Variants in ECT2L observed in about 807,000 individuals in gnomAD.
The protein encoded by ECT2L is epithelial cell-transforming sequence 2 oncogene-like.
ECT2L carries 126 observed loss-of-function variants against 122.8 expected under a neutral mutation model. That is an observed-to-expected ratio of 1.03 (90% CI 0.89 to 1.19). The LOEUF (loss-of-function observed/expected upper bound fraction) is 1.19. ECT2L is among the 50% of genes most tolerant of loss of function. ECT2L has a pLI of 0.00. For synonymous variants in ECT2L, 385 were observed against 381.8 expected, an observed-to-expected ratio of 1.01 and a Z score of -0.10; for missense variants, 1,012 against 1,064.1, an observed-to-expected ratio of 0.95 and a Z score of 0.68.
chr6:138,893,181 T>G (rs1031697522), intron 20 of ECT2L, among the ~76,000 whole-genome samples: 62 of 146,346 alleles, frequency 4.2e-4, no homozygotes, highest in African/African-American at 1.3e-3. Context: ...TTTGTTTTTT[T>G]TTTGTTTTTT....
intron 1 of ECT2L, among the ~76,000 whole-genome samples, chr6:138,799,711 C>A (rs1012127888): frequency 1.3e-5 from 2 of 152,140 alleles, no homozygotes; most frequent in African/African-American, 2.4e-5. Context: ...AGGTGAATGC[C>A]GCCACACCTG....
rs769764165 is a variant in ECT2L at position 138,843,032 on chromosome 6, T to G, written c.396T>G (p.Thr132=). ...AGTTCGGATGGTTTCTGCCCTATAC[T>G]CCAACAGATAATGAGTATGGTGCTT... ...CVKFGWFLPY[T]PTDNEYGAWK... The change falls in exon 6 of 22, where the codon ACT becomes ACG. Residue 132 remains threonine (T), a synonymous_variant. Coordinates refer to ENST00000541398, the MANE Select transcript of ECT2L (RefSeq NM_001077706.3). 7 of 1,611,246 alleles carry G rather than the reference T, an allele frequency of 4.3e-6. No individual in the cohort carries two copies. The Admixed American group carries it at 5.0e-5, about 12-fold the overall frequency.
chr6:138,895,290 A>G (rs1779170684), intron 20 of ECT2L, among the ~76,000 whole-genome samples: 1 of 152,154 alleles, frequency 6.6e-6, no homozygotes, highest in Non-Finnish European at 1.5e-5. Flanking sequence ...ACCAACTCAT[A>G]TAAGGCTTTA....
intron 1 of ECT2L, among the ~76,000 whole-genome samples, chr6:138,801,754 C>CAAAAAAG (rs1304636364): frequency 6.8e-6 from 1 of 146,348 alleles, no homozygotes; most frequent in Non-Finnish European, 1.5e-5. Flanking sequence ...GACTCTGTCT[C>CAAAAAAG]AAAAAAGAAA....
At chr6:138,813,535 G>C (rs1775969852) in intron 3 of ECT2L, among the ~76,000 whole-genome samples, 195 bp downstream of exon 3, 1 of 152,160 alleles carries the variant, frequency 6.6e-6, no homozygotes. Flanking sequence ...CCTACCTTAA[G>C]GGAGGCTCCA....
intron 4 of ECT2L, among the ~76,000 whole-genome samples, chr6:138,822,543 A>G (rs892315720): frequency 1.3e-5 from 2 of 149,912 alleles, no homozygotes; most frequent in African/African-American, 4.9e-5. Flanking sequence ...CAACAGAGCC[A>G]GAGACCCTGT....
At chr6:138,898,515 T>C (rs188422191) in intron 20 of ECT2L, among the ~76,000 whole-genome samples, 6 of 152,320 alleles carry the variant, frequency 3.9e-5, no homozygotes, top group East Asian at 1.9e-4. Context: ...TTCTTAGGCA[T>C]AGCTGTAACT....
intron 4 of ECT2L, among the ~76,000 whole-genome samples, 172 bp from the exon 5 acceptor site, chr6:138,838,176 ACAAG>A (rs1321741747): frequency 1.3e-5 from 2 of 152,214 alleles, no homozygotes; most frequent in African/African-American, 2.4e-5. Flanking sequence ...TGCCAGGATT[ACAAG>A]CATGAGCCAC....
intron 20 of ECT2L, among the ~76,000 whole-genome samples, chr6:138,891,879 G>T (rs1432263012): frequency 1.3e-5 from 2 of 152,154 alleles, no homozygotes; most frequent in East Asian, 3.8e-4. Context: ...AAATGACGAA[G>T]ACTTTCTCTT....
chr6:138,870,683 G>C (rs982120064), intron 13 of ECT2L, among the ~76,000 whole-genome samples: 1 of 151,926 alleles, frequency 6.6e-6, no homozygotes, highest in African/African-American at 2.4e-5. Context: ...TCTTAGTTGA[G>C]ATTCAAATTC....
intron 1 of ECT2L, among the ~76,000 whole-genome samples, chr6:138,799,844 T>A (rs1005805364): frequency 1.3e-5 from 2 of 152,212 alleles, no homozygotes; most frequent in African/African-American, 4.8e-5. Flanking sequence ...AGCCACTGCA[T>A]GCCGACTGGA....
intron 4 of ECT2L, among the ~76,000 whole-genome samples, chr6:138,821,996 TC>T (rs757184586): frequency 1.7e-4 from 26 of 152,250 alleles, no homozygotes; most frequent in Non-Finnish European, 3.1e-4. Context: ...ACTTCAGACT[TC>T]TGACCTCCAG....
chr6:138,896,092 ATT>A (rs74686619), intron 20 of ECT2L, among the ~76,000 whole-genome samples: 2 of 139,770 alleles, frequency 1.4e-5, no homozygotes. Flanking sequence ...TCATTGCTGA[ATT>A]TTTTTTTTTT....
intron 7 of ECT2L, among the ~76,000 whole-genome samples, chr6:138,846,108 C>G (rs1777212111): frequency 6.6e-6 from 1 of 151,860 alleles, no homozygotes; most frequent in Non-Finnish European, 1.5e-5. Context: ...TTTTAAGAAG[C>G]ACAGAACAGC....
intron 8 of ECT2L, among the ~76,000 whole-genome samples, chr6:138,848,866 G>C (rs1377882175): frequency 6.6e-6 from 1 of 152,162 alleles, no homozygotes; most frequent in Non-Finnish European, 1.5e-5. Flanking sequence ...TGTTGCCCAG[G>C]CTGGTCTCTA....
intron 20 of ECT2L, among the ~76,000 whole-genome samples, chr6:138,892,888 C>A (rs921451768): frequency 1.3e-5 from 2 of 152,160 alleles, no homozygotes; most frequent in South Asian, 4.1e-4. Flanking sequence ...GTTTACCTGG[C>A]TGGGAGTTAG....
At chr6:138,820,413 G>T (rs1267006230) in intron 4 of ECT2L, among the ~76,000 whole-genome samples, 2 of 152,100 alleles carry the variant, frequency 1.3e-5, no homozygotes, top group Non-Finnish European at 2.9e-5. Context: ...AACTATTTTG[G>T]GACAAGCCCG....
At chr6:138,898,951 A>T (rs1477033664) in intron 20 of ECT2L, among the ~76,000 whole-genome samples, 1 of 152,212 alleles carries the variant, frequency 6.6e-6, no homozygotes, top group Non-Finnish European at 1.5e-5. Flanking sequence ...AATAAAATAG[A>T]ACAATTATAA....
chr6:138,889,365 C>T (rs563051223), intron 20 of ECT2L, among the ~76,000 whole-genome samples: 85 of 152,002 alleles, frequency 5.6e-4, no homozygotes, highest in Non-Finnish European at 9.6e-4. Context: ...CACTCACTGC[C>T]GCCCAGGCTG....
Sources: allele counts gnomAD v4.1 joint callset (sites outside exome capture counted in the v4.1 genomes callset), GRCh38; gene constraint gnomAD v4.1.1; transcripts MANE v1.5; gene names NCBI Gene and HGNC (gene_info 2026-07-23, HGNC 2026-07-21).